FAM186A: variants seen among roughly 807,000 people sequenced by gnomAD.
FAM186A encodes the protein family with sequence similarity 186 member A.
Under a neutral mutation model 216.8 loss-of-function variants are expected in FAM186A, and 163 were observed. The observed-to-expected ratio is 0.75, with a 90% confidence interval of 0.66 to 0.86. FAM186A has a LOEUF of 0.86. FAM186A is among the 40% of genes least tolerant of loss of function. The pLI, the probability that FAM186A is intolerant of heterozygous loss-of-function variation, is 0.00. For synonymous variants in FAM186A, 805 were observed against 1,025.3 expected (o/e 0.79, Z 4.10); for missense variants, 2,184 against 2,746.2 (o/e 0.80, Z 4.58).
At chr12:50,372,991 G>GA (rs1453268300) in intron 1 of FAM186A, among the ~76,000 whole-genome samples, 4 of 25,016 alleles carry the variant, frequency 1.6e-4, no homozygotes, top group East Asian at 1.2e-3. Context: ...AGGAAGGAAG[G>GA]AAGGAATGAA....
rs184063637 is a variant in FAM186A, at chr12:50,336,795, G to T, written c.6504-2692C>A. On this transcript the variant is annotated intron_variant, in intron 4 of 7. Transcript: ENST00000327337. ...AGTGAAAGATGAAAGGCTTTCAAAG[G>T]TATGTTAAGGAGTTTGGATCTTCTC... is the stretch of plus-strand genomic sequence containing the variant. Among the ~76,000 whole-genome samples the T allele has an allele frequency of 6.6e-5, 10 of 152,038 alleles. No individual in the cohort carries two copies. The East Asian group carries it at 9.6e-4, about 15-fold the overall frequency.
At chr12:50,385,445 A>G (rs1385543121) in intron 1 of FAM186A, among the ~76,000 whole-genome samples, 2 of 151,450 alleles carry the variant, frequency 1.3e-5, no homozygotes, top group African/African-American at 4.9e-5. Context: ...AGAAAGTATA[A>G]AACTACTAGA....
rs1010032116 is a variant in FAM186A at position 50,350,878 on chromosome 12, G to A, written c.5954C>T (p.Thr1985Ile). 2.6e-5 allele frequency: 41 copies of A among 1,551,602 alleles called. No individual in the cohort carries two copies. Among genetic ancestry groups the A allele is most frequent in the Non-Finnish European group, 3.3e-5 (38 of 1,146,996 alleles). The change falls in exon 4 of 8, where the codon ACT (threonine) becomes ATT (isoleucine). Residue 1985 changes from threonine (T) to isoleucine (I), a missense_variant. Thr to Ile is a moderately conservative substitution (Grantham distance 89, BLOSUM62 -1). Around this residue, in one of 7 missense-constraint regions of FAM186A, gnomAD observed 721 missense variants for 816.4 expected, o/e 0.88. Transcript: ENST00000327337. ...GACCTCCGACATTTGGAACTTCTTA[G>A]TGGTGAAAGGAACTTGAGCTACCTT... ...DFKVAQVPFT[T>I]KKFQMSEVSD...
At chr12:50,359,147 C>T (rs1258634178) in intron 3 of FAM186A, among the ~76,000 whole-genome samples, 1 of 151,898 alleles carries the variant, frequency 6.6e-6, no homozygotes, top group Non-Finnish European at 1.5e-5. Context: ...GCCTGTAATC[C>T]CAGCACTTTG....
chr12:50,350,528 C>A lies in FAM186A; in HGVS notation c.6304G>T (p.Glu2102Ter), dbSNP rs1565882999. 1.3e-6 allele frequency: 2 copies of A among 1,551,630 alleles called. No individual in the cohort carries two copies. The highest frequency in any genetic ancestry group is 1.7e-6 in the Non-Finnish European group (2 of 1,146,980). The stretch of plus-strand genomic sequence containing the variant: ...TCCACATCAACAAAATACCTCTTTT[C>A]TTCAAGTTCTTGAGGAGAGGAAGGG... ...VPPSSPQELE[E>*]KRYFVDVEAQ... Residue 2102 changes from glutamate to a stop codon, truncating the protein, a stop_gained, in exon 4 of 8, where the codon GAA (glutamate) becomes TAA (stop). Transcript: ENST00000327337. LOFTEE classifies it high-confidence loss of function.
intron 4 of FAM186A, among the ~76,000 whole-genome samples, chr12:50,345,671 T>C (rs1270506341): frequency 6.6e-6 from 1 of 152,124 alleles, no homozygotes; most frequent in Non-Finnish European, 1.5e-5. Flanking sequence ...TATGGGGCTT[T>C]ATTTCTGGGT....
At chr12:50,387,515 G>C (rs1943315110) in intron 1 of FAM186A, among the ~76,000 whole-genome samples, 1 of 152,192 alleles carries the variant, frequency 6.6e-6, no homozygotes, top group Non-Finnish European at 1.5e-5. Flanking sequence ...GATCTTCCCA[G>C]AGGAAAAGAC....
intron 5 of FAM186A, among the ~76,000 whole-genome samples, chr12:50,332,074 C>G (rs1234959608): frequency 6.6e-6 from 1 of 152,180 alleles, no homozygotes; most frequent in Admixed American, 6.6e-5. Context: ...GGGATAGTTG[C>G]TTAATTTATC....
chr12:50,365,778 A>C, intron 1 of FAM186A: 2 of 756,326 alleles, frequency 2.6e-6, no homozygotes, highest in Admixed American at 1.7e-5. Context: ...ACAGAAGTAC[A>C]ACATGTGATC....
chr12:50,371,187 C>T (rs546577455), intron 1 of FAM186A, among the ~76,000 whole-genome samples: 17 of 151,888 alleles, frequency 1.1e-4, no homozygotes, highest in East Asian at 2.0e-4. Context: ...GGCATGATCT[C>T]GGCTGACTGC....
At chr12:50,378,274 T>C (rs1943218122) in intron 1 of FAM186A, among the ~76,000 whole-genome samples, 1 of 150,748 alleles carries the variant, frequency 6.6e-6, no homozygotes, top group Non-Finnish European at 1.5e-5. Flanking sequence ...CTCACGCCTG[T>C]AATCCCAACA....
At chr12:50,373,803 A>G (rs1943171810) in intron 1 of FAM186A, among the ~76,000 whole-genome samples, 1 of 152,182 alleles carries the variant, frequency 6.6e-6, no homozygotes, top group East Asian at 1.9e-4. Context: ...ATTACTGGGT[A>G]TATACCCAAG....
intron 1 of FAM186A, among the ~76,000 whole-genome samples, chr12:50,393,292 C>T (rs1943380683): frequency 6.6e-6 from 1 of 152,002 alleles, no homozygotes; most frequent in Non-Finnish European, 1.5e-5. Context: ...AATCCTAGCA[C>T]TTTGCGAGGC....
rs1942645170 is a variant in FAM186A at position 50,330,445 on chromosome 12, G to A, written c.7034+128C>T. ...CTGTACTATTTTATGACTGGTGTGA[G>A]TCTAACCTCATACCAAACATTACTT... On this transcript the variant is annotated intron_variant, in intron 7 of 7. Transcript: ENST00000327337. 4.3e-6 allele frequency: 4 copies of A among 936,282 alleles called. No homozygotes were observed. In the South Asian group the frequency reaches 6.6e-5, roughly 15 times the overall value. 58.0% of individuals were successfully genotyped at this position (936,282 alleles called of 1,614,324 possible). A position where few individuals can be genotyped will look rare whatever the true frequency, so the allele number is the denominator to read the frequency against.
At chr12:50,394,508 C>T (rs1017333215) in intron 1 of FAM186A, among the ~76,000 whole-genome samples, 8 of 151,694 alleles carry the variant, frequency 5.3e-5, no homozygotes, top group African/African-American at 1.5e-4. Flanking sequence ...GAGCCAAGAT[C>T]GCGCCACTGC....
At chr12:50,345,792 C>T (rs757825889) in intron 4 of FAM186A, among the ~76,000 whole-genome samples, 28 of 152,040 alleles carry the variant, frequency 1.8e-4, no homozygotes, top group Non-Finnish European at 3.5e-4. Flanking sequence ...AATATGCCTC[C>T]AGCTTTGTTG....
In FAM186A at chr12:50,396,414, A is replaced by G. The variant is rs777326847; in HGVS notation, c.71T>C (p.Ile24Thr). Residue 24 changes from isoleucine to threonine, a missense_variant, in exon 1 of 8, where the codon ATC becomes ACC. This residue lies in a region of FAM186A where 1,132 missense variants were observed against 1,263.4 expected (regional missense o/e 0.90). Coordinates refer to ENST00000327337, the MANE Select transcript of FAM186A (RefSeq NM_001145475.3). Reference protein sequence around the residue: ...ESEKCIKDSTIMRREPQNILS... With the variant: ...ESEKCIKDSTTMRREPQNILS... The stretch of plus-strand genomic sequence containing the variant: ...GATATTTTGGGGCTCTCTTCTCATG[A>G]TGGTGGAATCCTTGATGCATTTTTC... The G allele has an allele frequency of 1.5e-5, 24 of 1,551,590 alleles. No homozygotes were observed. The South Asian group carries it at 2.9e-4, about 18-fold the overall frequency.
intron 1 of FAM186A, among the ~76,000 whole-genome samples, chr12:50,380,766 A>C (rs984386590): frequency 6.6e-6 from 1 of 151,836 alleles, no homozygotes; most frequent in Non-Finnish European, 1.5e-5. Context: ...CCTGTGGCCA[A>C]CTTTTGCCCA....
intron 1 of FAM186A, among the ~76,000 whole-genome samples, chr12:50,376,530 T>TC (rs1943199909): frequency 6.6e-6 from 1 of 152,060 alleles, no homozygotes; most frequent in Admixed American, 6.6e-5. Flanking sequence ...AGGCAGGTAG[T>TC]CCCTAGGAGT....
Sources: gnomAD v4.1 joint callset for allele counts (sites outside exome capture counted in the v4.1 genomes callset) on GRCh38, gnomAD v4.1.1 for gene constraint, gnomAD v4.1.1 regional missense constraint, MANE v1.5 for transcripts, NCBI Gene and HGNC (gene_info 2026-07-23, HGNC 2026-07-21) for gene names.